The following OPA1 variants were observed in gnomAD, a reference collection of about 807,000 sequenced individuals.
OPA1 encodes OPA1 mitochondrial dynamin like GTPase.
OPA1 carries 59 observed loss-of-function variants against 152.9 expected under a neutral mutation model. The observed-to-expected ratio is 0.39, with a 90% CI of 0.31 to 0.48. The LOEUF (loss-of-function observed/expected upper bound fraction) is 0.48, where lower values mean the gene tolerates loss of function less well. OPA1 is among the 20% of genes least tolerant of loss of function. OPA1 has a pLI of 0.96. For missense variants in OPA1, 1,008 were observed against 1,216.8 expected (o/e 0.83, Z 2.55); for synonymous variants, 400 against 389.9 (o/e 1.03, Z -0.31).
chr3:193,601,038 G>A (rs768398284), intron 1 of OPA1, among the ~76,000 whole-genome samples: 2 of 152,152 alleles, frequency 1.3e-5, no homozygotes, highest in Non-Finnish European at 2.9e-5. Flanking sequence ...ATCTAAGACT[G>A]CATGATCTTC....
chr3:193,657,055 C>A (rs1714027398), intron 22 of OPA1, 25 bp from the exon 23 acceptor site: 2 of 1,595,372 alleles, frequency 1.3e-6, no homozygotes, highest in Middle Eastern at 1.7e-4. Flanking sequence ...AATAATATGG[C>A]TTTTTTTCTT....
chr3:193,657,331 C>T (rs563105769), intron 23 of OPA1, 99 bp downstream of exon 23: 19 of 1,153,254 alleles, frequency 1.6e-5, no homozygotes, highest in Non-Finnish European at 2.4e-5. Flanking sequence ...AAATTACATT[C>T]TGAATTAAAA....
chr3:193,619,810 T>G (rs1375333837), intron 6 of OPA1: 2 of 152,204 alleles, frequency 1.3e-5, no homozygotes. Flanking sequence ...AATGTTTATT[T>G]TGGAAGCAGA....
At chr3:193,642,087 G>T (rs1733863005) in intron 11 of OPA1, among the ~76,000 whole-genome samples, 1 of 152,246 alleles carries the variant, frequency 6.6e-6, no homozygotes, top group Non-Finnish European at 1.5e-5. Flanking sequence ...CTGCACTTCA[G>T]CCTGGGCGAC....
At chr3:193,679,782 A>G (rs895572176) in intron 29 of OPA1, among the ~76,000 whole-genome samples, 1 of 152,198 alleles carries the variant, frequency 6.6e-6, no homozygotes. Context: ...TTCCTCCAAA[A>G]AGATAATTCT....
Position 193,697,336 on chromosome 3 carries a change from G to A in OPA1, c.*2736G>A. 1 of 152,140 alleles carries A rather than the reference G, an allele frequency of 6.6e-6. No homozygotes were observed. The highest frequency in any genetic ancestry group is 1.9e-4 in the East Asian group (1 of 5,188). 9.4% of individuals were successfully genotyped at this position (152,140 alleles called of 1,614,324 possible). A position where few individuals can be genotyped will look rare whatever the true frequency, so the allele number is the denominator to read the frequency against. ...GTGCTTTAAAATATGCTTACCTTTT[G>A]AATGATCATGGCTATATGTTGTTGA... On this transcript the variant is annotated 3_prime_UTR_variant, in exon 31 of 31. Coordinates refer to ENST00000361510, the MANE Select transcript of OPA1 (RefSeq NM_130837.3).
At chr3:193,618,083 C>T (rs559918944) in intron 5 of OPA1, among the ~76,000 whole-genome samples, 195 of 152,274 alleles carry the variant, frequency 1.3e-3, no homozygotes, top group African/African-American at 4.5e-3. Flanking sequence ...AGAAAATTTA[C>T]TTAGCAAAAA....
rs527537208 is a variant in OPA1 at position 193,647,047 on chromosome 3, G to T, written c.1755-18G>T. 8.8e-5 allele frequency: 135 copies of T among 1,532,254 alleles called. 1 individual carries two copies. The Middle Eastern group carries it at 1.2e-3, about 13-fold the overall frequency. The allele number at this position is 1,532,254 out of a possible 1,614,324, so 94.9% of individuals were successfully genotyped here. ...GTCATTTTAATATACTTTAGCTCTTGTTATTTTTTTTTAATAGGACAAGCA... is the reference window on the plus strand; with the variant it reads ...GTCATTTTAATATACTTTAGCTCTTTTTATTTTTTTTTAATAGGACAAGCA... On this transcript the variant is annotated intron_variant, in intron 18 of 30. Coordinates refer to ENST00000361510, the MANE Select transcript of OPA1 (RefSeq NM_130837.3).
At chr3:193,609,244 TTC>T (rs1727792090) in intron 1 of OPA1, among the ~76,000 whole-genome samples, 1 of 152,112 alleles carries the variant, frequency 6.6e-6, no homozygotes, top group East Asian at 1.9e-4. Context: ...GATCCTGTCA[TTC>T]TCTCAACATT....
chr3:193,620,338 A>C (rs1729829790), intron 6 of OPA1, among the ~76,000 whole-genome samples: 1 of 152,198 alleles, frequency 6.6e-6, no homozygotes, highest in South Asian at 2.1e-4. Flanking sequence ...GGCCTGACTC[A>C]GATAATTCCC....
intron 1 of OPA1, among the ~76,000 whole-genome samples, chr3:193,610,827 C>T (rs935933020): frequency 1.6e-4 from 25 of 152,236 alleles, no homozygotes; most frequent in Admixed American, 3.9e-4. Context: ...GCATAGGACC[C>T]GCTGAGCCAG....
rs773009829 is a variant in OPA1, at chr3:193,617,159, A to G, written c.449-19A>G. ...ATATTTTCTTAGTTTCATACTCTAT[A>G]TGTTTTGATCTTTTCCAGAGAAAAT... is the stretch of plus-strand genomic sequence containing the variant. On this transcript the variant is annotated intron_variant, in intron 3 of 30. Coordinates refer to ENST00000361510, the MANE Select transcript of OPA1 (RefSeq NM_130837.3). 1.2e-5 allele frequency: 17 copies of G among 1,401,748 alleles called. No individual in the cohort carries two copies. Among genetic ancestry groups the G allele is most frequent in the Admixed American group, 1.0e-4 (6 of 59,640 alleles). The allele number at this position is 1,401,748 out of a possible 1,614,324, so 86.8% of individuals were successfully genotyped here. A position where few individuals can be genotyped will look rare whatever the true frequency, so the allele number is the denominator to read the frequency against.
At chr3:193,642,095 G>A (rs1292625887) in intron 11 of OPA1, among the ~76,000 whole-genome samples, 2 of 152,210 alleles carry the variant, frequency 1.3e-5, no homozygotes. Context: ...CAGCCTGGGC[G>A]ACAGAATGAG....
intron 29 of OPA1, among the ~76,000 whole-genome samples, chr3:193,686,523 A>C (rs1720956988): frequency 6.6e-6 from 1 of 152,186 alleles, no homozygotes; most frequent in South Asian, 2.1e-4. Context: ...CATCAACTAA[A>C]AGATGCACCT....
At chr3:193,659,635 C>CT (rs1714745234) in intron 25 of OPA1, 74 bp downstream of exon 25, 2 of 1,126,498 alleles carry the variant, frequency 1.8e-6, no homozygotes, top group Non-Finnish European at 2.6e-6. Context: ...AAAATATAAC[C>CT]TTTTTGTGGC....
intron 1 of OPA1, among the ~76,000 whole-genome samples, chr3:193,612,166 C>T (rs187677464): frequency 1.3e-5 from 2 of 151,978 alleles, no homozygotes; most frequent in East Asian, 3.9e-4. Context: ...AAGTCCTTCA[C>T]AATGGGGCTA....
In OPA1 at chr3:193,617,845, AACAG is replaced by A. The variant is rs1247013103; in HGVS notation, c.610+12_610+15del. On this transcript the variant is annotated intron_variant, in intron 5 of 30. Transcript: ENST00000361510. ...ACCTACTTCTCTTGTTAGGTGTGTA[AACAG>A]ACATTTTTGCTGACCTTAACATGCC... 6.2e-7 allele frequency: 1 copy of A among 1,607,974 alleles called. No individual in the cohort carries two copies. Among genetic ancestry groups the A allele is most frequent in the Non-Finnish European group, 8.5e-7 (1 of 1,174,770 alleles).
At chr3:193,641,155 A>G (rs577078090) in intron 11 of OPA1, among the ~76,000 whole-genome samples, 71 of 152,346 alleles carry the variant, frequency 4.7e-4, no homozygotes, top group Non-Finnish European at 7.6e-4. Flanking sequence ...CATTGTTACT[A>G]GCATCCTAAT....
At chr3:193,673,177 T>A (rs1210847250) in intron 29 of OPA1, among the ~76,000 whole-genome samples, 1 of 152,154 alleles carries the variant, frequency 6.6e-6, no homozygotes. Context: ...CCAGAATCAT[T>A]TGGGAGGGAG....
Sources: gnomAD v4.1 joint callset for allele counts (sites outside exome capture counted in the v4.1 genomes callset) on GRCh38, gnomAD v4.1.1 for gene constraint, MANE v1.5 for transcripts, NCBI Gene and HGNC (gene_info 2026-07-23, HGNC 2026-07-21) for gene names.